CPD: variants seen among roughly 807,000 people sequenced by gnomAD.
CPD encodes the protein metallocarboxypeptidase D.
CPD carries 69 observed loss-of-function variants against 138.3 expected under a neutral mutation model. The observed-to-expected ratio is 0.50, with a 90% confidence interval of 0.41 to 0.61. The LOEUF (loss-of-function observed/expected upper bound fraction) is 0.61, where lower values mean the gene tolerates loss of function less well. CPD is among the 20% of genes least tolerant of loss of function. The probability of loss-of-function intolerance (pLI) is 0.00; values close to 1 mark genes in which losing one functional copy is unlikely to be tolerated. For synonymous variants in CPD, 651 were observed against 642.1 expected (o/e 1.01, Z -0.21); for missense variants, 1,432 against 1,733.3 (o/e 0.83, Z 3.09).
chr17:30,400,224 G>A (rs1382128412), intron 2 of CPD, among the ~76,000 whole-genome samples: 3 of 152,010 alleles, frequency 2.0e-5, no homozygotes, highest in African/African-American at 7.3e-5. Flanking sequence ...CTATTGGATT[G>A]TGTTTTCAAC....
intron 20 of CPD, among the ~76,000 whole-genome samples, chr17:30,463,527 C>T (rs569448432): frequency 1.9e-4 from 29 of 152,230 alleles, no homozygotes; most frequent in South Asian, 8.3e-4. Context: ...TGTTTGTTTA[C>T]GCTGGAACTA....
intron 17 of CPD, among the ~76,000 whole-genome samples, chr17:30,460,064 ACT>A (rs1913427551): frequency 6.6e-6 from 1 of 152,114 alleles, no homozygotes; most frequent in Non-Finnish European, 1.5e-5. Flanking sequence ...GAAGAGAGCA[ACT>A]CTCAGCAGGC....
At position 30,445,799 on chromosome 17, in the gene CPD, A is replaced by G. The variant is rs1320128476; in HGVS notation, c.2652A>G (p.Gly884=). The G allele has an allele frequency of 3.1e-5, 50 of 1,613,986 alleles. No individual in the cohort carries two copies. Among genetic ancestry groups the G allele is most frequent in the Non-Finnish European group, 4.2e-5 (49 of 1,180,008 alleles). The change falls in exon 12 of 21, where the codon GGA becomes GGG. Residue 884 remains glycine, a synonymous_variant. Transcript: ENST00000225719. ...ATTCAAACAATGAATCAAAGAAAGG[A>G]AAAGGGGCTAGCAGCAGCACCAATG... is the stretch of plus-strand genomic sequence containing the variant. ...STDSNNESKK[G]KGASSSTNDA... is the part of the protein sequence containing the mutation.
intron 2 of CPD, among the ~76,000 whole-genome samples, chr17:30,386,775 G>T (rs1489155122): frequency 6.6e-6 from 1 of 152,096 alleles, no homozygotes; most frequent in Non-Finnish European, 1.5e-5. Flanking sequence ...TTTTGTTGCA[G>T]GTATCAGAAC....
rs1298060836 is a variant in CPD, at chr17:30,466,940, T to C, written c.*2126T>C. 2 of 152,706 alleles carry C rather than the reference T, an allele frequency of 1.3e-5. No individual in the cohort carries two copies. Among genetic ancestry groups the C allele is most frequent in the East Asian group, 3.9e-4 (2 of 5,194 alleles). The allele number at this position is 152,706 out of a possible 1,614,324, so 9.5% of individuals were successfully genotyped here. A position where few individuals can be genotyped will look rare whatever the true frequency, so the allele number is the denominator to read the frequency against. Reference sequence around the variant, plus strand: ...GAAAAACCAAATTCTGCTATAAGTCTTGATCTTCAATGAACTTTTAAATAA... The same window carrying C: ...GAAAAACCAAATTCTGCTATAAGTCCTGATCTTCAATGAACTTTTAAATAA... On this transcript the variant is annotated 3_prime_UTR_variant, in exon 21 of 21. Coordinates refer to ENST00000225719, the MANE Select transcript of CPD (RefSeq NM_001304.5).
Position 30,464,708 on chromosome 17 carries a change from A to C in CPD, c.4037A>C (p.Asp1346Ala), listed in dbSNP as rs1913587690. Residue 1346 changes from aspartate to alanine, a missense_variant, in exon 21 of 21, where the codon GAT becomes GCT. Asp to Ala is a moderately radical substitution (Grantham distance 126). Transcript: ENST00000225719. ...RLRQHHDEYE[D>A]EIRMMSTGSK... Reference sequence around the variant, plus strand: ...AGGCAGCATCATGATGAGTATGAAGATGAAATTCGCATGATGTCTACCGGC... The same window carrying C: ...AGGCAGCATCATGATGAGTATGAAGCTGAAATTCGCATGATGTCTACCGGC... The C allele has an allele frequency of 1.9e-6, 3 of 1,613,902 alleles. No homozygotes were observed. The highest frequency in any genetic ancestry group is 2.5e-6 in the Non-Finnish European group (3 of 1,179,910).
Position 30,443,906 on chromosome 17 carries a change from C to G in CPD, c.2478C>G (p.Tyr826Ter), listed in dbSNP as rs1332133989. ...AGATTAATCACCCAGTGACTACTTA[C>G]AAAACTGGAGATTACTGGCGTCTCT... ...VAEINHPVTTYKTGDYWRLLV... is the reference protein window; with the variant it reads ...VAEINHPVTT The change falls in exon 11 of 21, where the codon TAC (tyrosine) becomes TAG (stop). Residue 826 changes from tyrosine to a stop codon, truncating the protein, a stop_gained. Transcript: ENST00000225719. LOFTEE classifies it high-confidence loss of function. 1.2e-6 allele frequency: 2 copies of G among 1,613,934 alleles called. No individual in the cohort carries two copies. Among genetic ancestry groups the G allele is most frequent in the Non-Finnish European group, 1.7e-6 (2 of 1,179,888 alleles).
chr17:30,421,796 G>T lies in CPD; in HGVS notation c.1270G>T (p.Val424Phe). 6.2e-7 allele frequency: 1 copy of T among 1,613,658 alleles called. No individual in the cohort carries two copies. Among genetic ancestry groups the T allele is most frequent in the East Asian group, 2.2e-5 (1 of 44,852 alleles). The stretch of plus-strand genomic sequence containing the variant: ...ATTTGGTGATTTCTACCGATTACTT[G>T]TTCCTGGAACTTACAACCTTACAGT... The part of the protein sequence containing the change: ...GRFGDFYRLL[V>F]PGTYNLTVVL... Residue 424 changes from valine (V) to phenylalanine (F), a missense_variant, in exon 4 of 21, where the codon GTT becomes TTT. Val to Phe is a conservative substitution (Grantham distance 50, BLOSUM62 -1). Transcript: ENST00000225719.
chr17:30,394,901 ATG>A (rs113868957), intron 2 of CPD, among the ~76,000 whole-genome samples: 182 of 148,136 alleles, frequency 1.2e-3, no homozygotes, highest in South Asian at 1.5e-3. Context: ...GCATGTGTGT[ATG>A]TGTGTGTGTG....
Position 30,464,527 on chromosome 17 carries a change from C to A in CPD, c.3917-61C>A, listed in dbSNP as rs1026026351. 20 of 1,342,292 alleles carry A rather than the reference C, an allele frequency of 1.5e-5. No homozygotes were observed. In the Admixed American group the frequency reaches 1.6e-4, roughly 10 times the overall value. 83.1% of individuals were successfully genotyped at this position (1,342,292 alleles called of 1,614,324 possible). On this transcript the variant is annotated intron_variant, in intron 20 of 20. Transcript: ENST00000225719. ...ATATTATTAAAAGTTCCATTGTAAG[C>A]GGCTGCTTATTAATATCCTTAAAGT... is the stretch of plus-strand genomic sequence containing the variant.
intron 2 of CPD, 54 bp from the exon 3 acceptor site, chr17:30,420,787 G>C (rs1199379998): frequency 2.6e-5 from 39 of 1,494,558 alleles, no homozygotes; most frequent in Middle Eastern, 3.5e-4. Flanking sequence ...TCAGTCTTTT[G>C]GAGGGTAGAA....
chr17:30,385,504 GCACACACA>G lies in CPD; in HGVS notation c.994+289_994+296del, dbSNP rs34290313. Among the ~76,000 whole-genome samples, 288 of 144,420 alleles carry G rather than the reference GCACACACA, an allele frequency of 2.0e-3. 2 individuals carry two copies. Among genetic ancestry groups the G allele is most frequent in the African/African-American group, 6.0e-3 (240 of 40,140 alleles). 94.7% of individuals were successfully genotyped at this position (144,420 alleles called of 152,430 possible). ...TCTCTACATGCACGTGTATGTGCATGCACACACACACACACACACACACACACAATCAC... is the reference window on the plus strand; with the variant it reads ...TCTCTACATGCACGTGTATGTGCATGCACACACACACACACACACAATCAC... On this transcript the variant is annotated intron_variant, in intron 2 of 20. Transcript: ENST00000225719.
chr17:30,462,927 G>A (rs978072272), intron 20 of CPD, among the ~76,000 whole-genome samples: 4 of 152,240 alleles, frequency 2.6e-5, no homozygotes, highest in African/African-American at 9.6e-5. Context: ...TCTGCAGCAG[G>A]AGCATGTCCT....
At chr17:30,405,750 A>AT (rs1432669289) in intron 2 of CPD, among the ~76,000 whole-genome samples, 4 of 151,966 alleles carry the variant, frequency 2.6e-5, no homozygotes, top group Admixed American at 2.6e-4. Context: ...TTATTTTTTA[A>AT]TTTTTTGGGA....
In CPD at chr17:30,460,041, T is replaced by C. The variant is rs1029043114; in HGVS notation, c.3499-1139T>C. Among the ~76,000 whole-genome samples, 4 of 152,346 alleles carry C rather than the reference T, an allele frequency of 2.6e-5. No homozygotes were observed. In the East Asian group the frequency reaches 7.7e-4, roughly 29 times the overall value. ...CGAATTAACTGTGTTACATAATTAA[T>C]TGATTTGATCTGGAAGAGAGCAACT... On this transcript the variant is annotated intron_variant, in intron 17 of 20. Coordinates refer to ENST00000225719, the MANE Select transcript of CPD (RefSeq NM_001304.5).
intron 8 of CPD, 38 bp from the exon 9 acceptor site, chr17:30,438,937 C>G (rs1912775563): frequency 5.5e-6 from 7 of 1,269,214 alleles, no homozygotes; most frequent in Non-Finnish European, 6.6e-6. Flanking sequence ...GATGGAGATA[C>G]AAACAAATAG....
intron 2 of CPD, among the ~76,000 whole-genome samples, chr17:30,402,526 A>G (rs1350868512): frequency 6.6e-6 from 1 of 152,250 alleles, no homozygotes; most frequent in Non-Finnish European, 1.5e-5. Flanking sequence ...AGATCGTGCC[A>G]CTGCACTCAA....
intron 2 of CPD, among the ~76,000 whole-genome samples, chr17:30,402,103 C>A (rs1911690109): frequency 6.6e-6 from 1 of 151,458 alleles, no homozygotes; most frequent in Non-Finnish European, 1.5e-5. Context: ...TTTCTACTTA[C>A]CCATCTTCAA....
At chr17:30,382,024 T>G (rs1265112352) in intron 1 of CPD, among the ~76,000 whole-genome samples, 1 of 152,204 alleles carries the variant, frequency 6.6e-6, no homozygotes, top group African/African-American at 2.4e-5. Context: ...CTCCTATTTT[T>G]TTATAGTTGA....
Sources: gnomAD v4.1 joint callset for allele counts (sites outside exome capture counted in the v4.1 genomes callset) on GRCh38, gnomAD v4.1.1 for gene constraint, MANE v1.5 for transcripts, NCBI Gene and HGNC (gene_info 2026-07-23, HGNC 2026-07-21) for gene names.